Variants in C3orf18 observed in about 807,000 individuals in gnomAD.
C3orf18 encodes uncharacterized protein C3orf18.
C3orf18 carries 12 observed loss-of-function variants against 14.1 expected under a neutral mutation model. That is an observed-to-expected ratio of 0.85 (90% CI 0.55 to 1.38). C3orf18 has a LOEUF of 1.38. Ranked by LOEUF, C3orf18 falls within the 40% of genes most tolerant of loss-of-function variation. The pLI is 0.00. For synonymous variants in C3orf18, 82 were observed against 87.9 expected (o/e 0.93, Z 0.38); for missense variants, 196 against 213.9 (o/e 0.92, Z 0.52).
upstream of C3orf18, chr3:50,572,330 A>G: frequency 1.0e-6 from 1 of 959,512 alleles, no homozygotes; most frequent in Non-Finnish European, 1.6e-6. Flanking sequence ...GTGCCTTTCT[A>G]GACATGTATT....
At chr3:50,568,284 C>T (rs1030398464), upstream of C3orf18, among the ~76,000 whole-genome samples, 2 of 152,152 alleles carry the variant, frequency 1.3e-5, no homozygotes, top group African/African-American at 4.8e-5. Flanking sequence ...CTTCCATCCA[C>T]GGCATGATCA....
Position 50,564,336 on chromosome 3 carries a change from C to G in C3orf18, c.234+1130G>C, listed in dbSNP as rs143686390. Reference sequence around the variant, plus strand: ...GTGTCCATGTATCATCTTAGGGGGACAGCCCATATCCTTAGGGACTGACAC... The same window carrying G: ...GTGTCCATGTATCATCTTAGGGGGAGAGCCCATATCCTTAGGGACTGACAC... On this transcript the variant is annotated intron_variant, in intron 3 of 5. Transcript: ENST00000357203. Among the ~76,000 whole-genome samples the G allele has an allele frequency of 3.7e-3, 570 of 152,320 alleles. 3 individuals are homozygous for G. The highest frequency in any genetic ancestry group is 4.1e-3 in the Non-Finnish European group (281 of 68,012).
chr3:50,563,874 G>A (rs192238255), intron 3 of C3orf18, among the ~76,000 whole-genome samples: 17 of 152,362 alleles, frequency 1.1e-4, no homozygotes, highest in African/African-American at 3.6e-4. Context: ...TGAAAGTAAC[G>A]AGGGCAGTTT....
upstream of C3orf18, chr3:50,571,581 C>A (rs367598575): frequency 3.0e-5 from 27 of 898,006 alleles, no homozygotes; most frequent in East Asian, 5.8e-4. Context: ...GATGCTGCCC[C>A]CTCTGGGCCC....
At chr3:50,572,230 G>T, upstream of C3orf18, 6 of 1,602,432 alleles carry the variant, frequency 3.7e-6, no homozygotes, top group Non-Finnish European at 5.1e-6. Flanking sequence ...ACCAGGGCAA[G>T]GCAGGATCAG....
Position 50,565,514 on chromosome 3 carries a change from CATG to C in C3orf18, c.183_185del (p.Met62del), listed in dbSNP as rs746730925. The C allele has an allele frequency of 5.6e-6, 9 of 1,613,938 alleles. No homozygotes were observed. In the African/African-American group the frequency reaches 1.1e-4, roughly 19 times the overall value. ...CCGTGATGATCCCAAAGGACAGAAG[CATG>C]GTACCCACGCCGGCCGTGCCACCAG... On this transcript the variant is annotated inframe_deletion, in exon 3 of 6. Transcript: ENST00000357203. This position sits in a 1 kb window ranked among gnomAD's most constrained non-coding sequence, Gnocchi z 4.4.
intron 4 of C3orf18, among the ~76,000 whole-genome samples, 168 bp from the exon 5 acceptor site, chr3:50,561,232 AC>A: frequency 6.6e-6 from 1 of 152,204 alleles, no homozygotes; most frequent in East Asian, 1.9e-4. Context: ...CACCTATAGT[AC>A]CAGCTCAACC....
Position 50,565,771 on chromosome 3 carries a change from G to T in C3orf18, c.-72C>A. On this transcript the variant is annotated 5_prime_UTR_variant, in exon 3 of 6. Coordinates refer to ENST00000357203, the MANE Select transcript of C3orf18 (RefSeq NM_016210.5). The surrounding 1 kb of genome is among the most constrained non-coding windows in gnomAD (Gnocchi z 4.4). ...AACCTGCCCACTCACTCCTGACTCC[G>T]GAGTGCCCCAGCCTGTGGTTCCTGC... The T allele has an allele frequency of 8.1e-7, 1 of 1,238,298 alleles. No homozygotes were observed. Among genetic ancestry groups the T allele is most frequent in the Non-Finnish European group, 1.1e-6 (1 of 885,172 alleles). The allele number at this position is 1,238,298 out of a possible 1,614,324, so 76.7% of individuals were successfully genotyped here.
upstream of C3orf18, chr3:50,572,269 T>G (rs1307945994): frequency 1.3e-6 from 2 of 1,568,508 alleles, no homozygotes; most frequent in African/African-American, 2.7e-5. Context: ...GGCACCAGTC[T>G]TACCCCAGGC....
At chr3:50,571,805 A>G, upstream of C3orf18, 1 of 1,613,274 alleles carries the variant, frequency 6.2e-7, no homozygotes, top group Non-Finnish European at 8.5e-7. Context: ...TGCAGAGGTG[A>G]GCACCCATGG....
At chr3:50,571,054 T>C, upstream of C3orf18, 1 of 1,421,430 alleles carries the variant, frequency 7.0e-7, no homozygotes, top group Non-Finnish European at 9.6e-7. Context: ...GCTGACATCA[T>C]AAAGCAGACT....
upstream of C3orf18, chr3:50,571,163 G>A (rs1305296893): frequency 4.3e-6 from 7 of 1,613,144 alleles, no homozygotes; most frequent in Admixed American, 1.2e-4. Flanking sequence ...AGGAGGGGAA[G>A]TACCCGGGGC....
In C3orf18 at chr3:50,565,902, G is replaced by T. The variant is rs936641850; in HGVS notation, c.-162-41C>A. 86 of 587,424 alleles carry T rather than the reference G, an allele frequency of 1.5e-4. No homozygotes were observed. The African/African-American group carries it at 1.5e-3, about 10-fold the overall frequency. The allele number at this position is 587,424 out of a possible 1,614,324, so 36.4% of individuals were successfully genotyped here. A position where few individuals can be genotyped will look rare whatever the true frequency, so the allele number is the denominator to read the frequency against. On this transcript the variant is annotated intron_variant, in intron 2 of 5. Transcript: ENST00000357203. The surrounding 1 kb of genome is among the most constrained non-coding windows in gnomAD (Gnocchi z 4.4). ...TAAGAAACATGAGGCTAAGGACAGG[G>T]GCTCAGTAGTGAGATGAAGTCTCTC...
At chr3:50,567,755 C>G (rs1289638076), upstream of C3orf18, 1 of 152,388 alleles carries the variant, frequency 6.6e-6, no homozygotes, top group Non-Finnish European at 1.5e-5. Flanking sequence ...AGCGCCTTGC[C>G]TCCCTGCACG....
chr3:50,569,095 A>T (rs1485838236), upstream of C3orf18: 1 of 152,094 alleles, frequency 6.6e-6, no homozygotes, highest in Non-Finnish European at 1.5e-5. Context: ...AAGATAGACC[A>T]CGCCCCCGGA....
At chr3:50,567,928 G>A (rs941884440), upstream of C3orf18, among the ~76,000 whole-genome samples, 1 of 152,270 alleles carries the variant, frequency 6.6e-6, no homozygotes, top group Non-Finnish European at 1.5e-5. Context: ...GAAGTTGGGC[G>A]GAGGACAGTG....
At chr3:50,568,358 ACC>A (rs1391906550), upstream of C3orf18, among the ~76,000 whole-genome samples, 2 of 152,218 alleles carry the variant, frequency 1.3e-5, no homozygotes, top group South Asian at 2.1e-4. Flanking sequence ...TATGGGAGTC[ACC>A]GGGTAGCCTG....
chr3:50,573,166 G>C (rs941707540), upstream of C3orf18, among the ~76,000 whole-genome samples: 1 of 152,178 alleles, frequency 6.6e-6, no homozygotes, highest in East Asian at 1.9e-4. Flanking sequence ...TCAGGGCAGG[G>C]ACAGTAGGGA....
intron 3 of C3orf18, chr3:50,562,361 C>T: frequency 2.4e-6 from 1 of 408,942 alleles, no homozygotes; most frequent in South Asian, 1.8e-5. Context: ...GCTCCAGCCA[C>T]TCAGCACCTG....
Sources: allele counts gnomAD v4.1 joint callset (sites outside exome capture counted in the v4.1 genomes callset), GRCh38; gene constraint gnomAD v4.1.1; non-coding constraint Gnocchi (gnomAD v3.1); transcripts MANE v1.5; gene names NCBI Gene and HGNC (gene_info 2026-07-23, HGNC 2026-07-21).